Variants in MBNL2 observed in about 807,000 individuals in gnomAD.
MBNL2 encodes muscleblind-like protein 2.
Under a neutral mutation model 41.9 loss-of-function variants are expected in MBNL2, and 17 were observed. That is an observed-to-expected ratio of 0.41 (90% CI 0.28 to 0.61). The LOEUF (loss-of-function observed/expected upper bound fraction) is 0.61, where lower values mean the gene tolerates loss of function less well. MBNL2 is among the 20% of genes least tolerant of loss of function. The pLI, the probability that MBNL2 is intolerant of heterozygous loss-of-function variation, is 0.35. For missense variants in MBNL2, 336 were observed against 505.6 expected, an observed-to-expected ratio of 0.66 and a Z score of 3.22; for synonymous variants, 195 against 182.9, an observed-to-expected ratio of 1.07 and a Z score of -0.53.
At chr13:97,293,861 T>C (rs1328413749) in intron 2 of MBNL2, among the ~76,000 whole-genome samples, 5 of 152,152 alleles carry the variant, frequency 3.3e-5, no homozygotes, top group Admixed American at 2.0e-4. Flanking sequence ...CATGAGTAAG[T>C]TCTTTACTGG....
intron 4 of MBNL2, among the ~76,000 whole-genome samples, chr13:97,344,982 C>T (rs1163519602): frequency 6.6e-6 from 1 of 152,164 alleles, no homozygotes; most frequent in Non-Finnish European, 1.5e-5. Context: ...AGAAGTCATT[C>T]CATTGATGGA....
rs114143906 is a variant in MBNL2, at chr13:97,297,031, C to A, written c.174+20622C>A. On this transcript the variant is annotated intron_variant, in intron 2 of 8. Transcript: ENST00000679496. Reference sequence around the variant, plus strand: ...TGTCCTGATCTGAGTTTCTGTCTGGCCTTTTTGTCCATGTGGTACCATTGA... The same window carrying A: ...TGTCCTGATCTGAGTTTCTGTCTGGACTTTTTGTCCATGTGGTACCATTGA... 9.6e-3 allele frequency among the ~76,000 whole-genome samples: 1,465 copies of A among 152,272 alleles called. 33 individuals carry two copies. The highest frequency in any genetic ancestry group is 0.033 in the African/African-American group (1,382 of 41,554).
intron 3 of MBNL2, among the ~76,000 whole-genome samples, chr13:97,341,017 G>C (rs2153078968): frequency 6.6e-6 from 1 of 152,262 alleles, no homozygotes; most frequent in East Asian, 1.9e-4. Flanking sequence ...GGGCTGGGAG[G>C]GTTGAGAATT....
intron 1 of MBNL2, among the ~76,000 whole-genome samples, chr13:97,235,365 A>G (rs2043079256): frequency 6.6e-6 from 1 of 152,196 alleles, no homozygotes; most frequent in Non-Finnish European, 1.5e-5. Flanking sequence ...ACTCGGTGAA[A>G]TTTATGTTGT....
In MBNL2 at chr13:97,316,973, G is replaced by A. The variant is rs184897580; in HGVS notation, c.175-17303G>A. ...TAGACTTGCAACATATGCCTGTGGA[G>A]TGAATGAAGGGGATAGTGCAGCAGA... On this transcript the variant is annotated intron_variant, in intron 2 of 8. Coordinates refer to ENST00000679496, the MANE Select transcript of MBNL2 (RefSeq NM_001382683.1). 3.8e-3 allele frequency among the ~76,000 whole-genome samples: 574 copies of A among 152,316 alleles called. 3 individuals are homozygous for A. The highest frequency in any genetic ancestry group is 0.013 in the African/African-American group (552 of 41,566).
chr13:97,272,706 G>C (rs2051311314), intron 1 of MBNL2, among the ~76,000 whole-genome samples: 1 of 152,166 alleles, frequency 6.6e-6, no homozygotes, highest in Admixed American at 6.5e-5. Context: ...GAGGTTCTAA[G>C]TGTTCTCACA....
chr13:97,286,539 C>A (rs1041206779), intron 2 of MBNL2, among the ~76,000 whole-genome samples: 1 of 152,228 alleles, frequency 6.6e-6, no homozygotes. Context: ...ACATAAGTCA[C>A]AGCATGTCAG....
chr13:97,290,544 C>T (rs930842378), intron 2 of MBNL2, among the ~76,000 whole-genome samples: 1 of 152,004 alleles, frequency 6.6e-6, no homozygotes, highest in Admixed American at 6.6e-5. Context: ...GGCGCGGTGG[C>T]GGGCGCCTGT....
At chr13:97,340,903 A>G (rs1254416113) in intron 3 of MBNL2, among the ~76,000 whole-genome samples, 1 of 152,196 alleles carries the variant, frequency 6.6e-6, no homozygotes, top group Non-Finnish European at 1.5e-5. Flanking sequence ...GTTTTGGGAA[A>G]TGAGTTTTGA....
At chr13:97,234,088 G>A (rs190129983) in intron 1 of MBNL2, among the ~76,000 whole-genome samples, 148 of 152,290 alleles carry the variant, frequency 9.7e-4, no homozygotes, top group African/African-American at 3.4e-3. Flanking sequence ...GCTGTTTCCA[G>A]CTATTGTGTA....
intron 2 of MBNL2, among the ~76,000 whole-genome samples, chr13:97,311,287 G>C (rs986422241): frequency 6.6e-6 from 1 of 152,150 alleles, no homozygotes; most frequent in African/African-American, 2.4e-5. Flanking sequence ...GAGAAGCAAG[G>C]TGCGTGATCG....
the MBNL2 span, chr13:97,172,844 A>G: frequency 6.6e-6 from 1 of 152,172 alleles, no homozygotes; most frequent in Admixed American, 6.5e-5. Context: ...GTGAAGGCAG[A>G]GTTTTCTTCT....
the MBNL2 span, among the ~76,000 whole-genome samples, chr13:97,190,385 G>T: frequency 6.6e-6 from 1 of 152,224 alleles, no homozygotes; most frequent in Admixed American, 6.5e-5. Context: ...TATAACAATA[G>T]AGGAAGAAAG....
Position 97,392,084 on chromosome 13 carries a change from AT to A in MBNL2, c.*637del, listed in dbSNP as rs1188700255. 4 of 152,646 alleles carry A rather than the reference AT, an allele frequency of 2.6e-5. No homozygotes were observed. The highest frequency in any genetic ancestry group is 5.9e-5 in the Non-Finnish European group (4 of 68,024). The allele number at this position is 152,646 out of a possible 1,614,324, so 9.5% of individuals were successfully genotyped here. On this transcript the variant is annotated 3_prime_UTR_variant, in exon 9 of 9. Coordinates refer to ENST00000679496, the MANE Select transcript of MBNL2 (RefSeq NM_001382683.1). ...CCCCACCAAACAAAGTCTTGAAGGT[AT>A]TATTTTACAAGTATATTTTTAAAGT... is the stretch of plus-strand genomic sequence containing the variant.
chr13:97,193,180 C>G, the MBNL2 span, among the ~76,000 whole-genome samples: 3 of 152,312 alleles, frequency 2.0e-5, no homozygotes, highest in African/African-American at 7.2e-5. Flanking sequence ...AAAAGAGAAA[C>G]CCAGCAGGTG....
chr13:97,160,646 C>T, the MBNL2 span, among the ~76,000 whole-genome samples: 1 of 152,038 alleles, frequency 6.6e-6, no homozygotes, highest in Non-Finnish European at 1.5e-5. Flanking sequence ...GGCTACTCAT[C>T]GCTTTGTTAG....
intron 1 of MBNL2, among the ~76,000 whole-genome samples, chr13:97,256,786 G>T (rs762280600): frequency 6.6e-6 from 1 of 152,128 alleles, no homozygotes; most frequent in Non-Finnish European, 1.5e-5. Context: ...TGTATAAGCT[G>T]TTTCTTTTGA....
At chr13:97,144,621 G>A in the MBNL2 span, among the ~76,000 whole-genome samples, 1 of 151,848 alleles carries the variant, frequency 6.6e-6, no homozygotes, top group African/African-American at 2.4e-5. Flanking sequence ...TAGAGATGGG[G>A]TTTCTCCATG....
intron 1 of MBNL2, among the ~76,000 whole-genome samples, chr13:97,227,089 T>C (rs1393571518): frequency 6.6e-6 from 1 of 151,918 alleles, no homozygotes; most frequent in Non-Finnish European, 1.5e-5. Context: ...ATATTTCCTT[T>C]TGAAACACTA....
Sources: allele counts gnomAD v4.1 joint callset (sites outside exome capture counted in the v4.1 genomes callset), GRCh38; gene constraint gnomAD v4.1.1; transcripts MANE v1.5; gene names NCBI Gene and HGNC (gene_info 2026-07-23, HGNC 2026-07-21).